Variants in TCF25 observed in about 807,000 individuals in gnomAD.
TCF25 encodes the protein ribosome quality control complex subunit TCF25.
In TCF25, 41 loss-of-function variants were observed where a neutral mutation model predicts 83.1. That is an observed-to-expected ratio of 0.49 (90% CI 0.38 to 0.64). The LOEUF is 0.64. TCF25 is among the 30% of genes least tolerant of loss of function. TCF25 has a pLI of 0.00. For missense variants in TCF25, 979 were observed against 914.5 expected (o/e 1.07, Z -0.91); for synonymous variants, 458 against 365.0 (o/e 1.25, Z -2.90).
chr16:89,910,167 C>T (rs545439571), intron 16 of TCF25: 99 of 187,088 alleles, frequency 5.3e-4, no homozygotes, highest in African/African-American at 2.1e-3. Flanking sequence ...CCTGTAGAGC[C>T]GGGCCGGTAG....
rs554983078 is a variant in TCF25, at chr16:89,884,210, C to T, written c.355-372C>T. 3.4e-4 allele frequency: 82 copies of T among 241,864 alleles called. 2 individuals carry two copies. The East Asian group carries it at 7.0e-3, about 21-fold the overall frequency. 15.0% of individuals were successfully genotyped at this position (241,864 alleles called of 1,614,324 possible). On this transcript the variant is annotated intron_variant, in intron 2 of 17. Transcript: ENST00000263346. ...TCAGAAGGGGTTGGCCAGGTGCAGG[C>T]GTAGGGGACCACACATACAGGTGCG...
At chr16:89,887,790 C>G in intron 5 of TCF25, 73 bp downstream of exon 5, 1 of 1,402,714 alleles carries the variant, frequency 7.1e-7, no homozygotes, top group South Asian at 1.4e-5. Context: ...GGGTGGTGTT[C>G]CTGAAGCTAG....
At chr16:89,877,035 G>A (rs906516887) in intron 1 of TCF25, among the ~76,000 whole-genome samples, 3 of 151,766 alleles carry the variant, frequency 2.0e-5, no homozygotes, top group Non-Finnish European at 2.9e-5. Context: ...CCAGGAGGTG[G>A]AGGTTGCAAT....
chr16:89,904,602 A>C (rs1190463594), intron 13 of TCF25: 2 of 498,162 alleles, frequency 4.0e-6, no homozygotes, highest in East Asian at 3.8e-5. Flanking sequence ...ACAAAGAGGG[A>C]GCAAACACAG....
chr16:89,891,960 G>A (rs1390475907), intron 5 of TCF25, among the ~76,000 whole-genome samples: 1 of 152,002 alleles, frequency 6.6e-6, no homozygotes, highest in African/African-American at 2.4e-5. Context: ...GTGAGCCCCC[G>A]TGCCCAGCCA....
chr16:89,908,812 G>GCAGCTCCCAGCTCC lies in TCF25; in HGVS notation c.1799+1500_1799+1513dup, dbSNP rs140194835. 5.9e-3 allele frequency among the ~76,000 whole-genome samples: 375 copies of GCAGCTCCCAGCTCC among 63,948 alleles called. 7 individuals are homozygous for GCAGCTCCCAGCTCC. Among genetic ancestry groups the GCAGCTCCCAGCTCC allele is most frequent in the African/African-American group, 0.014 (310 of 21,928 alleles). The allele number at this position is 63,948 out of a possible 152,430, so 42.0% of individuals were successfully genotyped here. A position where few individuals can be genotyped will look rare whatever the true frequency, so the allele number is the denominator to read the frequency against. On this transcript the variant is annotated intron_variant, in intron 16 of 17. Transcript: ENST00000263346. ...GTTTCCACCTCCCAGCTCCCACCTC[G>GCAGCTCCCAGCTCC]CAGCTCCCAGCTCCCAGCTCCCACC...
At chr16:89,888,967 G>A (rs996289437) in intron 5 of TCF25, among the ~76,000 whole-genome samples, 1 of 150,992 alleles carries the variant, frequency 6.6e-6, no homozygotes, top group African/African-American at 2.4e-5. Context: ...GATTACAGGC[G>A]TGAGCCATGG....
chr16:89,887,799 A>G, intron 5 of TCF25, 82 bp downstream of exon 5: 1 of 1,348,664 alleles, frequency 7.4e-7, no homozygotes, highest in Non-Finnish European at 1.0e-6. Flanking sequence ...TCCTGAAGCT[A>G]GTTTACCCTT....
Position 89,904,192 on chromosome 16 carries a change from A to G in TCF25, c.1456A>G (p.Asn486Asp), listed in dbSNP as rs1421354760. 1.1e-5 allele frequency: 18 copies of G among 1,580,472 alleles called. No individual in the cohort carries two copies. Among genetic ancestry groups the G allele is most frequent in the Middle Eastern group, 1.7e-4 (1 of 6,020 alleles). The change falls in exon 13 of 18, where the codon AAT becomes GAT. Residue 486 changes from asparagine to aspartate, a missense_variant. Coordinates refer to ENST00000263346, the MANE Select transcript of TCF25 (RefSeq NM_014972.3). ...SVSSHRFFGP[N>D]AEISQPPALS... is the part of the protein sequence containing the mutation. The stretch of plus-strand genomic sequence containing the variant: ...TTCCAGTCACCGCTTCTTTGGACCC[A>G]ATGCTGAAATAAGGTAAAGAGTGGC...
At chr16:89,901,518 G>A (rs1313791512) in intron 12 of TCF25, among the ~76,000 whole-genome samples, 1 of 136,900 alleles carries the variant, frequency 7.3e-6, no homozygotes, top group Admixed American at 7.2e-5. Flanking sequence ...GGCCGAGGTG[G>A]GCGGATCACG....
chr16:89,909,058 C>A, intron 16 of TCF25: 1 of 1,289,448 alleles, frequency 7.8e-7, no homozygotes, highest in Non-Finnish European at 1.0e-6. Context: ...AATGTACAAG[C>A]GCTTGCGTGT....
At position 89,911,243 on chromosome 16, in the gene TCF25, C is replaced by T. The variant is rs2045531661; in HGVS notation, c.*5C>T. 1.2e-6 allele frequency: 2 copies of T among 1,611,872 alleles called. No homozygotes were observed. Among genetic ancestry groups the T allele is most frequent in the Non-Finnish European group, 8.5e-7 (1 of 1,179,648 alleles). ...GGGGAGGGGGAGTGGGACTGAGCGT[C>T]CGCAGAGGTGACCGAAAAGCCGTAT... On this transcript the variant is annotated 3_prime_UTR_variant, in exon 18 of 18. Coordinates refer to ENST00000263346, the MANE Select transcript of TCF25 (RefSeq NM_014972.3).
intron 5 of TCF25, chr16:89,890,379 G>T (rs981586019): frequency 6.6e-6 from 1 of 152,208 alleles, no homozygotes; most frequent in East Asian, 1.9e-4. Context: ...GTAGAGTTAC[G>T]TGGCTCACAC....
intron 15 of TCF25, 41 bp from the exon 16 acceptor site, chr16:89,907,202 G>C: frequency 6.2e-7 from 1 of 1,602,166 alleles, no homozygotes; most frequent in Non-Finnish European, 8.5e-7. Context: ...AGGCCCCCTG[G>C]CAGCATCTGT....
rs776968338 is a variant in TCF25 at position 89,873,617 on chromosome 16, T to C, written c.-51T>C. 22 of 1,245,768 alleles carry C rather than the reference T, an allele frequency of 1.8e-5. No homozygotes were observed. The highest frequency in any genetic ancestry group is 1.8e-5 in the South Asian group (1 of 55,074). 77.2% of individuals were successfully genotyped at this position (1,245,768 alleles called of 1,614,324 possible). ...GTGCGCAGGCGCGCCGACAGCCGAG[T>C]TTTCTGCGCTTCCTTCTCCCTCTCT... On this transcript the variant is annotated 5_prime_UTR_variant, in exon 1 of 18. Transcript: ENST00000263346.
At position 89,895,106 on chromosome 16, in the gene TCF25, A is replaced by G. The variant is rs1005673936; in HGVS notation, c.897A>G (p.Gln299=). ...LLQLSDACRF[Q]EDQEMARDLV... ...AGCTCAGCGATGCCTGCCGCTTTCA[A>G]GAGGATCAGGAGATGGCTCGAGACC... The change falls in exon 8 of 18, where the codon CAA becomes CAG. Residue 299 remains glutamine, a synonymous_variant. Coordinates refer to ENST00000263346, the MANE Select transcript of TCF25 (RefSeq NM_014972.3). 1 of 1,613,056 alleles carries G rather than the reference A, an allele frequency of 6.2e-7. No individual in the cohort carries two copies. The highest frequency in any genetic ancestry group is 1.3e-5 in the African/African-American group (1 of 74,896).
At position 89,911,267 on chromosome 16, in the gene TCF25, A is replaced by G. The variant is rs758780088; in HGVS notation, c.*29A>G. 1.9e-6 allele frequency: 3 copies of G among 1,606,014 alleles called. No individual in the cohort carries two copies. Among genetic ancestry groups the G allele is most frequent in the East Asian group, 4.5e-5 (2 of 44,684 alleles). ...TCCGCAGAGGTGACCGAAAAGCCGT[A>G]TGATGATGTTCCCGATTTCTCTGTT... On this transcript the variant is annotated 3_prime_UTR_variant, in exon 18 of 18. Coordinates refer to ENST00000263346, the MANE Select transcript of TCF25 (RefSeq NM_014972.3).
intron 12 of TCF25, 50 bp downstream of exon 12, chr16:89,900,844 G>T (rs757384642): frequency 6.8e-7 from 1 of 1,471,310 alleles, no homozygotes; most frequent in Non-Finnish European, 9.2e-7. Flanking sequence ...CCTGTCAGCC[G>T]TGGGGGCTGC....
At chr16:89,882,540 A>AAG (rs34675950) in intron 1 of TCF25, among the ~76,000 whole-genome samples, 11,459 of 152,202 alleles carry the variant, frequency 0.075, 640 homozygotes, top group East Asian at 0.26. Flanking sequence ...CTGTCTCAAA[A>AAG]AGAGAGAGAG....
Sources: allele counts gnomAD v4.1 joint callset (sites outside exome capture counted in the v4.1 genomes callset), GRCh38; gene constraint gnomAD v4.1.1; transcripts MANE v1.5; gene names NCBI Gene and HGNC (gene_info 2026-07-23, HGNC 2026-07-21).